Variants in FRMD6 observed in about 807,000 individuals in gnomAD.
FRMD6 encodes FERM domain containing 6.
FRMD6 carries 37 observed loss-of-function variants against 73.2 expected under a neutral mutation model. That is an observed-to-expected ratio of 0.51 (90% CI 0.39 to 0.66). The LOEUF (loss-of-function observed/expected upper bound fraction) is 0.66, where lower values mean the gene tolerates loss of function less well. Among genes scored for constraint, FRMD6 ranks in the 30% least tolerant of loss-of-function variants. FRMD6 has a pLI of 0.00. For missense variants in FRMD6, 714 were observed against 780.5 expected, an observed-to-expected ratio of 0.91 and a Z score of 1.02; for synonymous variants, 273 against 282.2, an observed-to-expected ratio of 0.97 and a Z score of 0.33.
At chr14:51,550,582 C>CCG (rs1555374773) in intron 1 of FRMD6, among the ~76,000 whole-genome samples, 41 of 150,356 alleles carry the variant, frequency 2.7e-4, no homozygotes, top group Non-Finnish European at 5.2e-4. Context: ...GGGAGGAGAC[C>CCG]CCCCCGCCAT....
the FRMD6 span, among the ~76,000 whole-genome samples, chr14:51,474,478 G>T: frequency 6.6e-6 from 1 of 152,176 alleles, no homozygotes; most frequent in African/African-American, 2.4e-5. Context: ...GAAATCAGTG[G>T]GGCTGGTGGG....
intron 1 of FRMD6, among the ~76,000 whole-genome samples, chr14:51,536,103 G>GAC (rs1885876662): frequency 2.0e-5 from 3 of 147,880 alleles, no homozygotes; most frequent in African/African-American, 2.5e-5. Context: ...TATATAGAGA[G>GAC]AGAGAGAGAG....
chr14:51,509,690 G>A (rs576564319), intron 1 of FRMD6, among the ~76,000 whole-genome samples: 23 of 151,994 alleles, frequency 1.5e-4, no homozygotes, highest in African/African-American at 5.3e-4. Flanking sequence ...GCAGTGGTGC[G>A]ATCTCGGCTC....
chr14:51,476,539 T>C, the FRMD6 span, among the ~76,000 whole-genome samples: 51 of 152,330 alleles, frequency 3.3e-4, no homozygotes, highest in African/African-American at 1.2e-3. Flanking sequence ...CCTTCACCAA[T>C]ACTCTGCTGG....
the FRMD6 span, among the ~76,000 whole-genome samples, chr14:51,471,613 T>A: frequency 1.3e-5 from 2 of 152,050 alleles, no homozygotes; most frequent in East Asian, 3.8e-4. Context: ...AATGAAGACA[T>A]GGTAACTAAA....
intron 2 of FRMD6, among the ~76,000 whole-genome samples, chr14:51,602,090 C>G (rs1253133418): frequency 1.3e-5 from 2 of 152,156 alleles, no homozygotes; most frequent in East Asian, 3.8e-4. Flanking sequence ...AATGGAAATT[C>G]TCAAAGGGAG....
chr14:51,523,422 C>T (rs1431497987), intron 1 of FRMD6, among the ~76,000 whole-genome samples: 3 of 152,102 alleles, frequency 2.0e-5, no homozygotes, highest in South Asian at 2.1e-4. Flanking sequence ...CTGGAAGGCA[C>T]ATATGCAGAA....
intron 1 of FRMD6, among the ~76,000 whole-genome samples, chr14:51,547,263 T>G (rs1317949980): frequency 2.0e-5 from 3 of 152,084 alleles, no homozygotes; most frequent in African/African-American, 7.2e-5. Flanking sequence ...TACCCTAGAG[T>G]CTCAACCATT....
chr14:51,443,544 G>C, the FRMD6 span, among the ~76,000 whole-genome samples: 1 of 152,174 alleles, frequency 6.6e-6, no homozygotes, highest in African/African-American at 2.4e-5. Context: ...GAAACCAAAG[G>C]CTGCATCTCC....
chr14:51,487,471 A>G (rs1337496515), upstream of FRMD6, among the ~76,000 whole-genome samples: 1 of 152,176 alleles, frequency 6.6e-6, no homozygotes, highest in Non-Finnish European at 1.5e-5. Flanking sequence ...TCTTGTGAAA[A>G]TGCAAGACTG....
the FRMD6 span, among the ~76,000 whole-genome samples, chr14:51,472,504 C>T: frequency 4.6e-3 from 700 of 152,210 alleles, 4 homozygotes; most frequent in African/African-American, 0.015. Flanking sequence ...AGAGTTTCAC[C>T]GTGCTAGCCA....
At chr14:51,684,793 T>C (rs1895040367) in intron 1 of FRMD6, among the ~76,000 whole-genome samples, 1 of 152,182 alleles carries the variant, frequency 6.6e-6, no homozygotes, top group African/African-American at 2.4e-5. Flanking sequence ...AGTAGAATCT[T>C]CATGTATAGG....
At chr14:51,436,888 G>A in the FRMD6 span, 2 of 908,160 alleles carry the variant, frequency 2.2e-6, no homozygotes, top group South Asian at 2.9e-5. Context: ...ATGAAGAAGG[G>A]GATGAGGATG....
chr14:51,416,669 C>A, the FRMD6 span, among the ~76,000 whole-genome samples: 4 of 152,212 alleles, frequency 2.6e-5, no homozygotes, highest in Admixed American at 6.5e-5. Flanking sequence ...TCTATTAGGT[C>A]TGCTTGTCGC....
intron 2 of FRMD6, among the ~76,000 whole-genome samples, chr14:51,582,956 T>C (rs1003082963): frequency 6.6e-6 from 1 of 152,220 alleles, no homozygotes; most frequent in African/African-American, 2.4e-5. Context: ...GAATATTTTA[T>C]CCTTTTATTC....
At chr14:51,504,171 C>T (rs894197074) in intron 1 of FRMD6, among the ~76,000 whole-genome samples, 42 of 152,286 alleles carry the variant, frequency 2.8e-4, no homozygotes, top group African/African-American at 8.9e-4. Context: ...AACAGTCAGG[C>T]TACTCTACCA....
chr14:51,542,583 A>G (rs1048643725), intron 1 of FRMD6, among the ~76,000 whole-genome samples: 2 of 152,130 alleles, frequency 1.3e-5, no homozygotes, highest in Non-Finnish European at 2.9e-5. Context: ...TAGTGCTTCT[A>G]TGAACATTTG....
At chr14:51,597,390 T>A (rs1028609517) in intron 2 of FRMD6, among the ~76,000 whole-genome samples, 1 of 152,176 alleles carries the variant, frequency 6.6e-6, no homozygotes. Context: ...CCGCCCTTCA[T>A]TTTGAAGGCT....
chr14:51,553,681 A>G (rs572923376), intron 1 of FRMD6, among the ~76,000 whole-genome samples: 1 of 152,138 alleles, frequency 6.6e-6, no homozygotes, highest in Non-Finnish European at 1.5e-5. Flanking sequence ...AGGGATACCT[A>G]CTGATCAGTT....
Sources: allele counts gnomAD v4.1 joint callset (sites outside exome capture counted in the v4.1 genomes callset), GRCh38; gene constraint gnomAD v4.1.1; transcripts MANE v1.5; gene names NCBI Gene and HGNC (gene_info 2026-07-23, HGNC 2026-07-21).